Variants in GPM6A observed in about 807,000 individuals in gnomAD.
GPM6A encodes the protein neuronal membrane glycoprotein M6-a.
A neutral mutation model predicts 32.1 loss-of-function variants in GPM6A; 7 were observed. The observed-to-expected ratio is 0.22, with a 90% confidence interval of 0.12 to 0.41. The LOEUF (loss-of-function observed/expected upper bound fraction) is 0.41, where lower values mean the gene tolerates loss of function less well. GPM6A is among the 10% of genes least tolerant of loss of function. GPM6A has a pLI of 1.00. For synonymous variants in GPM6A, 130 were observed against 123.4 expected (o/e 1.05, Z -0.35); for missense variants, 235 against 347.2 (o/e 0.68, Z 2.57).
At chr4:175,722,181 G>T (rs568080073) in intron 1 of GPM6A, among the ~76,000 whole-genome samples, 1 of 152,014 alleles carries the variant, frequency 6.6e-6, no homozygotes, top group East Asian at 1.9e-4. Flanking sequence ...CAGCTACTTA[G>T]GAAGTTGAGG....
chr4:175,981,183 A>G (rs577260073), intron 1 of GPM6A, among the ~76,000 whole-genome samples: 1 of 152,306 alleles, frequency 6.6e-6, no homozygotes, highest in South Asian at 2.1e-4. Context: ...TAAAAATAAT[A>G]TAATTAACAA....
In GPM6A at chr4:175,802,020, A is replaced by G. The variant is rs1004099183; in HGVS notation, c.37+10171T>C. 2.0e-5 allele frequency among the ~76,000 whole-genome samples: 3 copies of G among 152,062 alleles called. No homozygotes were observed. In the East Asian group the frequency reaches 5.8e-4, roughly 29 times the overall value. The stretch of plus-strand genomic sequence containing the variant: ...CGTATAAGTATAATGAGCAGATCCC[A>G]ATCATTTGGAGGGGGTTCAAAGTTG... On this transcript the variant is annotated intron_variant, in intron 1 of 6. Transcript: ENST00000393658.
chr4:175,725,665 G>A (rs932473396), intron 1 of GPM6A, among the ~76,000 whole-genome samples: 5 of 152,054 alleles, frequency 3.3e-5, no homozygotes, highest in African/African-American at 7.2e-5. Flanking sequence ...TCATTCAAAC[G>A]TAAATGATCA....
intron 1 of GPM6A, among the ~76,000 whole-genome samples, chr4:175,857,837 C>T (rs1222188235): frequency 1.3e-5 from 2 of 151,828 alleles, no homozygotes; most frequent in East Asian, 1.9e-4. Flanking sequence ...GCCTTTACCA[C>T]GTATATTCAT....
Position 175,904,071 on chromosome 4 carries a change from G to C in GPM6A, c.-22-91822C>G, listed in dbSNP as rs148377872. On this transcript the variant is annotated intron_variant, in intron 1 of 7. Transcript: ENST00000280187. ...ATGGAGTAAAAGAAGTAAAGTTAGG[G>C]AGTAGCACACTATTTTTTTCAATGT... is the stretch of plus-strand genomic sequence containing the variant. Among the ~76,000 whole-genome samples, 1,285 of 152,152 alleles carry C rather than the reference G, an allele frequency of 8.4e-3. 14 individuals carry two copies. Among genetic ancestry groups the C allele is most frequent in the African/African-American group, 0.029 (1,220 of 41,514 alleles).
At chr4:175,875,806 CA>C (rs1737067435) in intron 1 of GPM6A, among the ~76,000 whole-genome samples, 1 of 152,068 alleles carries the variant, frequency 6.6e-6, no homozygotes, top group Non-Finnish European at 1.5e-5. Context: ...CTTTTAAGAA[CA>C]GAAGCCTTGG....
chr4:175,645,418 A>AT (rs1741399324), intron 4 of GPM6A, among the ~76,000 whole-genome samples: 1 of 152,028 alleles, frequency 6.6e-6, no homozygotes, highest in African/African-American at 2.4e-5. Flanking sequence ...AGGGTTGTAA[A>AT]TTCCTCTTAA....
At chr4:175,863,257 G>A (rs747092346) in intron 1 of GPM6A, among the ~76,000 whole-genome samples, 9 of 151,322 alleles carry the variant, frequency 5.9e-5, no homozygotes, top group East Asian at 1.9e-4. Context: ...ATCATACCCC[G>A]GCAGCACGAG....
At chr4:175,894,168 G>A (rs1474595867) in intron 1 of GPM6A, among the ~76,000 whole-genome samples, 5 of 152,038 alleles carry the variant, frequency 3.3e-5, no homozygotes, top group Admixed American at 2.0e-4. Context: ...AGATATAATT[G>A]GAAAACAGAA....
At chr4:175,808,233 T>C (rs1398172058) in intron 1 of GPM6A, among the ~76,000 whole-genome samples, 1 of 152,212 alleles carries the variant, frequency 6.6e-6, no homozygotes, top group East Asian at 1.9e-4. Context: ...CTATAAGCTG[T>C]ACTGTATATT....
chr4:175,723,528 G>A (rs1285648242), intron 1 of GPM6A, among the ~76,000 whole-genome samples: 1 of 152,064 alleles, frequency 6.6e-6, no homozygotes, highest in East Asian at 1.9e-4. Flanking sequence ...TAAAAGGCAG[G>A]CAAAAGGGTA....
intron 3 of GPM6A, among the ~76,000 whole-genome samples, chr4:175,659,178 G>A (rs982169145): frequency 6.6e-6 from 1 of 151,154 alleles, no homozygotes; most frequent in Non-Finnish European, 1.5e-5. Flanking sequence ...CTCCTCCCGG[G>A]TTCAAGCGAC....
intron 1 of GPM6A, among the ~76,000 whole-genome samples, chr4:175,900,490 C>A (rs1236650335): frequency 8.1e-6 from 1 of 122,746 alleles, no homozygotes; most frequent in African/African-American, 3.1e-5. Context: ...AGAAGACATA[C>A]AAATGGCAAA....
chr4:175,738,259 G>A (rs1474503310), intron 1 of GPM6A, among the ~76,000 whole-genome samples: 4 of 151,968 alleles, frequency 2.6e-5, no homozygotes. Flanking sequence ...TAACACTGGG[G>A]ATTACTTTTC....
chr4:175,835,892 C>T (rs1452099759), intron 1 of GPM6A, among the ~76,000 whole-genome samples: 1 of 150,620 alleles, frequency 6.6e-6, no homozygotes, highest in East Asian at 1.9e-4. Context: ...AGAACATTTA[C>T]CCAAAAGCCA....
At chr4:175,744,829 G>A (rs1270838287) in intron 1 of GPM6A, among the ~76,000 whole-genome samples, 2 of 151,990 alleles carry the variant, frequency 1.3e-5, no homozygotes, top group Non-Finnish European at 2.9e-5. Context: ...CCCACTTCTG[G>A]GTCCAATGTT....
intron 1 of GPM6A, among the ~76,000 whole-genome samples, chr4:175,703,529 C>G (rs1419821883): frequency 6.6e-6 from 1 of 152,162 alleles, no homozygotes; most frequent in South Asian, 2.1e-4. Context: ...GTCAAAAATT[C>G]TTTGGCCATC....
chr4:175,975,301 G>C (rs1189379332), intron 1 of GPM6A, among the ~76,000 whole-genome samples: 2 of 151,892 alleles, frequency 1.3e-5, no homozygotes, highest in East Asian at 3.9e-4. Flanking sequence ...ATCTGCCAGA[G>C]TGTTTGTCTA....
intron 3 of GPM6A, among the ~76,000 whole-genome samples, chr4:175,667,936 T>C (rs897770249): frequency 6.6e-6 from 1 of 152,136 alleles, no homozygotes; most frequent in Non-Finnish European, 1.5e-5. Context: ...TTAATTGAAT[T>C]TCAGTCACAA....
Sources: allele counts gnomAD v4.1 joint callset (sites outside exome capture counted in the v4.1 genomes callset), GRCh38; gene constraint gnomAD v4.1.1; transcripts MANE v1.5; gene names NCBI Gene and HGNC (gene_info 2026-07-23, HGNC 2026-07-21).